The following CLCC1 variants were observed in gnomAD, a reference collection of about 807,000 sequenced individuals.
CLCC1 encodes chloride channel CLIC-like protein 1.
CLCC1 carries 39 observed loss-of-function variants against 63.3 expected under a neutral mutation model. The ratio of observed to expected loss-of-function variants is 0.62; its 90% CI spans 0.48 to 0.81. The LOEUF (loss-of-function observed/expected upper bound fraction) is 0.81. Among genes scored for constraint, CLCC1 ranks in the 30% least tolerant of loss-of-function variants. CLCC1 has a pLI of 0.00. For missense variants in CLCC1, 549 were observed against 669.4 expected (o/e 0.82, Z 1.98); for synonymous variants, 217 against 239.8 (o/e 0.90, Z 0.88).
intron 2 of CLCC1, among the ~76,000 whole-genome samples, chr1:108,953,364 C>T (rs1466251953): frequency 1.3e-5 from 2 of 152,186 alleles, no homozygotes; most frequent in African/African-American, 4.8e-5. Flanking sequence ...TAGAATCACC[C>T]GAGGAGCTTC....
rs775523739 is a variant in CLCC1 at position 108,937,423 on chromosome 1, A to C, written c.1042-5T>G. Reference sequence around the variant, plus strand: ...TCCAGCACCATAGCAGAAACTCTGTAAGGAAAAGAAATACATTTTCCTGAG... The same window carrying C: ...TCCAGCACCATAGCAGAAACTCTGTCAGGAAAAGAAATACATTTTCCTGAG... On this transcript the variant is annotated splice_polypyrimidine_tract_variant and splice_region_variant and intron_variant, in intron 10 of 12. Transcript: ENST00000369969. 1.3e-6 allele frequency: 2 copies of C among 1,563,658 alleles called. No individual in the cohort carries two copies. Among genetic ancestry groups the C allele is most frequent in the Non-Finnish European group, 1.7e-6 (2 of 1,155,992 alleles).
At chr1:108,948,519 A>G (rs779163688) in intron 4 of CLCC1, among the ~76,000 whole-genome samples, 4 of 152,220 alleles carry the variant, frequency 2.6e-5, no homozygotes, top group South Asian at 2.1e-4. Context: ...ACATGACAAT[A>G]ATTGAGCAGC....
intron 5 of CLCC1, among the ~76,000 whole-genome samples, chr1:108,945,129 T>C (rs1427377930): frequency 6.6e-6 from 1 of 152,230 alleles, no homozygotes; most frequent in Non-Finnish European, 1.5e-5. Context: ...ATATTGTTCA[T>C]TCACTAACAC....
At chr1:108,961,388 C>G (rs555329219) in intron 2 of CLCC1, among the ~76,000 whole-genome samples, 1 of 151,770 alleles carries the variant, frequency 6.6e-6, no homozygotes, top group South Asian at 2.1e-4. Flanking sequence ...TCTTGAGTAG[C>G]AAAGTGTTAA....
intron 2 of CLCC1, among the ~76,000 whole-genome samples, chr1:108,954,512 A>ACC (rs1655611370): frequency 6.6e-6 from 1 of 150,640 alleles, no homozygotes; most frequent in Non-Finnish European, 1.5e-5. Context: ...AAACAACAAC[A>ACC]ACCACCACCA....
Position 108,929,674 on chromosome 1 carries a change from C to T in CLCC1, c.*2873G>A. On this transcript the variant is annotated 3_prime_UTR_variant, in exon 13 of 13. Transcript: ENST00000369969. ...TGGTGCTTTCTTTCCCACAGTATGT[C>T]TTTTAATCTCTCTCATAAACTTCTA... The T allele has an allele frequency of 6.2e-7, 1 of 1,608,278 alleles. No individual in the cohort carries two copies. Among genetic ancestry groups the T allele is most frequent in the Non-Finnish European group, 8.5e-7 (1 of 1,174,946 alleles).
At chr1:108,939,067 T>C (rs1475930697) in intron 10 of CLCC1, among the ~76,000 whole-genome samples, 1 of 151,326 alleles carries the variant, frequency 6.6e-6, no homozygotes, top group Non-Finnish European at 1.5e-5. Flanking sequence ...ATTTTAGCAT[T>C]GCCTTTTTTT....
At chr1:108,944,778 C>G (rs1412157479) in intron 5 of CLCC1, among the ~76,000 whole-genome samples, 2 of 152,020 alleles carry the variant, frequency 1.3e-5, no homozygotes, top group Non-Finnish European at 2.9e-5. Flanking sequence ...TACAGGTGCC[C>G]GCCACTACGC....
Position 108,936,381 on chromosome 1 carries a change from C to T in CLCC1, c.1383+696G>A, listed in dbSNP as rs1227949840. On this transcript the variant is annotated intron_variant, in intron 11 of 12. Coordinates refer to ENST00000369969, the MANE Select transcript of CLCC1 (RefSeq NM_001377458.1). ...CAGTGCTGGGATCACAGGCGTGAGC[C>T]GCCGCGCCTGGTCCATCTTTCTAGA... 3.9e-5 allele frequency among the ~76,000 whole-genome samples: 6 copies of T among 152,110 alleles called. No homozygotes were observed. In the South Asian group the frequency reaches 1.0e-3, roughly 26 times the overall value.
At chr1:108,953,851 A>C (rs1258752634) in intron 2 of CLCC1, among the ~76,000 whole-genome samples, 1 of 151,666 alleles carries the variant, frequency 6.6e-6, no homozygotes, top group Non-Finnish European at 1.5e-5. Flanking sequence ...TCTCTACTAA[A>C]AATACAAAAT....
Position 108,929,821 on chromosome 1 carries a change from CAG to C in CLCC1, c.*2724_*2725del, listed in dbSNP as rs1450246154. 8.6e-5 allele frequency: 139 copies of C among 1,613,908 alleles called. No homozygotes were observed. Among genetic ancestry groups the C allele is most frequent in the Non-Finnish European group, 1.1e-4 (135 of 1,179,946 alleles). ...GTCCCAGGGAAAGAGAATGGATGAA[CAG>C]AGAGTTCTTTTACAAAGAGATCAAA... is the stretch of plus-strand genomic sequence containing the variant. On this transcript the variant is annotated 3_prime_UTR_variant, in exon 13 of 13. Coordinates refer to ENST00000369969, the MANE Select transcript of CLCC1 (RefSeq NM_001377458.1).
At chr1:108,935,097 A>G (rs532834327) in intron 11 of CLCC1, among the ~76,000 whole-genome samples, 155 bp from the exon 12 acceptor site, 2 of 152,316 alleles carry the variant, frequency 1.3e-5, no homozygotes, top group South Asian at 4.1e-4. Context: ...TATAAATGTT[A>G]TTATACCTCA....
chr1:108,962,123 T>A (rs747473478), intron 2 of CLCC1, among the ~76,000 whole-genome samples, 186 bp downstream of exon 2: 1 of 152,154 alleles, frequency 6.6e-6, no homozygotes, highest in African/African-American at 2.4e-5. Flanking sequence ...GGAGAGGACC[T>A]GTTGGAACGA....
chr1:108,960,830 A>G (rs1226792525), intron 2 of CLCC1, among the ~76,000 whole-genome samples: 1 of 152,098 alleles, frequency 6.6e-6, no homozygotes, highest in Middle Eastern at 3.2e-3. Flanking sequence ...GAAGTGAATA[A>G]AAAGCCTGTC....
Position 108,950,729 on chromosome 1 carries a change from G to C in CLCC1, c.-11-281C>G, listed in dbSNP as rs193295068. 4.0e-5 allele frequency among the ~76,000 whole-genome samples: 6 copies of C among 151,716 alleles called. No individual in the cohort carries two copies. The East Asian group carries it at 1.2e-3, about 30-fold the overall frequency. ...AGGGTCTCACTATGTTATCCAGGCT[G>C]GTCTCAAACTCCTGGCCTCAACTGA... On this transcript the variant is annotated intron_variant, in intron 2 of 12. Coordinates refer to ENST00000369969, the MANE Select transcript of CLCC1 (RefSeq NM_001377458.1).
Position 108,939,645 on chromosome 1 carries a change from T to C in CLCC1, c.1032A>G (p.Leu344=). The C allele has an allele frequency of 6.2e-7, 1 of 1,614,016 alleles. No individual in the cohort carries two copies. Among genetic ancestry groups the C allele is most frequent in the East Asian group, 2.2e-5 (1 of 44,872 alleles). The part of the protein sequence containing the change: ...LHLPVLIIMA[L]AILSFCYGAG... ...ATATATTAATACTAACCAGGATGGCTAATGCCATAATTATCAGCACTGGAA... is the reference window on the plus strand; with the variant it reads ...ATATATTAATACTAACCAGGATGGCCAATGCCATAATTATCAGCACTGGAA... The change falls in exon 10 of 13, where the codon TTA becomes TTG. Residue 344 remains leucine, a synonymous_variant. Coordinates refer to ENST00000369969, the MANE Select transcript of CLCC1 (RefSeq NM_001377458.1).
At chr1:108,949,451 G>A (rs10858020) in intron 4 of CLCC1, among the ~76,000 whole-genome samples, 29,168 of 152,086 alleles carry the variant, frequency 0.19, 3,275 homozygotes, top group African/African-American at 0.28. Flanking sequence ...GTATAAGCTG[G>A]TAATAGACAC....
At chr1:108,932,632 A>G (rs1037173113) in intron 12 of CLCC1, 131 bp from the exon 13 acceptor site, 8 of 152,224 alleles carry the variant, frequency 5.3e-5, no homozygotes, top group African/African-American at 1.7e-4. Context: ...GGCATTCACT[A>G]CTTTTCAGAG....
chr1:108,954,565 T>C lies in CLCC1; in HGVS notation c.-11-4117A>G, dbSNP rs528815962. 2.0e-5 allele frequency among the ~76,000 whole-genome samples: 3 copies of C among 151,194 alleles called. No individual in the cohort carries two copies. The South Asian group carries it at 6.2e-4, about 31-fold the overall frequency. On this transcript the variant is annotated intron_variant, in intron 2 of 12. Transcript: ENST00000369969. ...ACAGGAGGAGGAAAACCTGGATTCA[T>C]TATCCAACAAAGAGGCTGAAGCAGA...
Sources: allele counts gnomAD v4.1 joint callset (sites outside exome capture counted in the v4.1 genomes callset), GRCh38; gene constraint gnomAD v4.1.1; transcripts MANE v1.5; gene names NCBI Gene and HGNC (gene_info 2026-07-23, HGNC 2026-07-21).